The following ITPR2 variants were observed in gnomAD, a reference collection of about 807,000 sequenced individuals.
ITPR2 encodes the protein inositol 1,4,5-trisphosphate-gated calcium channel ITPR2.
In ITPR2, 207 loss-of-function variants were observed where a neutral mutation model predicts 317.1. That is an observed-to-expected ratio of 0.65 (90% CI 0.58 to 0.73). ITPR2 has a LOEUF of 0.73. ITPR2 is among the 30% of genes least tolerant of loss of function. ITPR2 has a pLI of 0.00. For synonymous variants in ITPR2, 1,156 were observed against 1,149.1 expected (o/e 1.01, Z -0.12); for missense variants, 2,613 against 3,284.0 (o/e 0.80, Z 4.99).
At chr12:26,658,154 G>T in intron 16 of ITPR2, 24 bp from the exon 17 acceptor site, 3 of 1,497,056 alleles carry the variant, frequency 2.0e-6, no homozygotes, top group South Asian at 2.8e-5. Context: ...AAAATTAAAT[G>T]GAATATGAAG....
intron 45 of ITPR2, among the ~76,000 whole-genome samples, chr12:26,462,479 G>T (rs888618017): frequency 6.6e-6 from 1 of 152,026 alleles, no homozygotes; most frequent in Non-Finnish European, 1.5e-5. Flanking sequence ...CTCCCAAAGT[G>T]TTGGGATTAT....
chr12:26,649,812 GATA>G (rs1363795607), intron 21 of ITPR2, among the ~76,000 whole-genome samples: 2 of 151,496 alleles, frequency 1.3e-5, no homozygotes, highest in African/African-American at 2.4e-5. Flanking sequence ...TAGATAGATA[GATA>G]GATAGATAGA....
At chr12:26,484,280 A>C (rs995703604) in intron 41 of ITPR2, among the ~76,000 whole-genome samples, 1 of 151,922 alleles carries the variant, frequency 6.6e-6, no homozygotes, top group Non-Finnish European at 1.5e-5. Context: ...AGAGAAAAAA[A>C]AACTAGGTAG....
chr12:26,498,272 A>G (rs760253905), intron 37 of ITPR2, among the ~76,000 whole-genome samples: 4 of 152,200 alleles, frequency 2.6e-5, no homozygotes, highest in African/African-American at 4.8e-5. Context: ...CAACTCTACT[A>G]TTTACTATTC....
Position 26,475,417 on chromosome 12 carries a change from A to G in ITPR2, c.6221T>C (p.Val2074Ala), listed in dbSNP as rs759404001. 7 of 1,591,238 alleles carry G rather than the reference A, an allele frequency of 4.4e-6. No homozygotes were observed. Among genetic ancestry groups the G allele is most frequent in the Non-Finnish European group, 6.0e-6 (7 of 1,171,998 alleles). Residue 2074 changes from valine to alanine, a missense_variant and splice_region_variant, in exon 45 of 57, where the codon GTG (valine) becomes GCG (alanine). Val to Ala is a moderately conservative substitution (Grantham distance 64). Coordinates refer to ENST00000381340, the MANE Select transcript of ITPR2 (RefSeq NM_002223.4). ...GTTATAGGCATTCTTCATCACATCC[A>G]CCTATCCAAAAAAAAAAAGAATATT... ...ILFNMRPREL[V>A]DVMKNAYNQG...
At chr12:26,664,820 C>T (rs2136922875) in intron 14 of ITPR2, among the ~76,000 whole-genome samples, 1 of 152,010 alleles carries the variant, frequency 6.6e-6, no homozygotes, top group African/African-American at 2.4e-5. Flanking sequence ...GAAAAAAGTC[C>T]TATTAGATTT....
chr12:26,471,297 T>C (rs1015988036), intron 45 of ITPR2, among the ~76,000 whole-genome samples: 1 of 152,202 alleles, frequency 6.6e-6, no homozygotes, highest in African/African-American at 2.4e-5. Flanking sequence ...TAATATATAT[T>C]GGACATACAC....
At position 26,766,074 on chromosome 12, in the gene ITPR2, G is replaced by A. The variant is rs150848063; in HGVS notation, c.163+24083C>T. Among the ~76,000 whole-genome samples, 23 of 152,166 alleles carry A rather than the reference G, an allele frequency of 1.5e-4. No individual in the cohort carries two copies. The East Asian group carries it at 4.4e-3, about 29-fold the overall frequency. On this transcript the variant is annotated intron_variant, in intron 2 of 56. Coordinates refer to ENST00000381340, the MANE Select transcript of ITPR2 (RefSeq NM_002223.4). Reference sequence around the variant, plus strand: ...TAAGCATTTGGGTTGTTTCCACTTCGAGCTATTATGAACAATGCTGCTATG... The same window carrying A: ...TAAGCATTTGGGTTGTTTCCACTTCAAGCTATTATGAACAATGCTGCTATG...
At chr12:26,372,297 A>C (rs550125283) in intron 55 of ITPR2, among the ~76,000 whole-genome samples, 1 of 152,256 alleles carries the variant, frequency 6.6e-6, no homozygotes, top group Non-Finnish European at 1.5e-5. Flanking sequence ...CATGGTAGGC[A>C]CTAAGCAAAA....
At chr12:26,606,534 T>C (rs564514052) in intron 26 of ITPR2, among the ~76,000 whole-genome samples, 3 of 125,516 alleles carry the variant, frequency 2.4e-5, no homozygotes, top group African/African-American at 6.0e-5. Flanking sequence ...GTTCTAAAGA[T>C]AGTTCCTCCC....
At position 26,486,160 on chromosome 12, in the gene ITPR2, G is replaced by A. The variant is rs1437966807; in HGVS notation, c.5755C>T (p.Gln1919Ter). The change falls in exon 41 of 57, where the codon CAG becomes TAG. Residue 1919 changes from glutamine (Q) to a stop codon, truncating the protein, a stop_gained. Coordinates refer to ENST00000381340, the MANE Select transcript of ITPR2 (RefSeq NM_002223.4). LOFTEE classifies it high-confidence loss of function. ...AACTGAAGAAATCTCAGTATTGGCTGCATGATGGCAATTGCGGGACTCATT... is the reference window on the plus strand; with the variant it reads ...AACTGAAGAAATCTCAGTATTGGCTACATGATGGCAATTGCGGGACTCATT... ...VTMSPAIAIM[Q>*]PILRFLQLLC... 4 of 1,614,074 alleles carry A rather than the reference G, an allele frequency of 2.5e-6. No homozygotes were observed. The Admixed American group carries it at 5.0e-5, about 20-fold the overall frequency.
intron 34 of ITPR2, among the ~76,000 whole-genome samples, chr12:26,567,575 A>C (rs1246211536): frequency 2.6e-5 from 4 of 152,158 alleles, no homozygotes; most frequent in Non-Finnish European, 5.9e-5. Context: ...AATAATAGAA[A>C]ATTAACTATG....
chr12:26,439,147 T>A lies in ITPR2; in HGVS notation c.6623A>T (p.Lys2208Met). ...CTTACTCCTGATTTTCTTCTGCCAC[T>A]TCATTTCATTGTAGAGATCTTCTGT... ...QQTEDLYNEMKWQKKIRNNPA... is the reference protein window; with the variant it reads ...QQTEDLYNEMMWQKKIRNNPA... Residue 2208 changes from lysine (K) to methionine (M), a missense_variant, in exon 47 of 57, where the codon AAG becomes ATG. Transcript: ENST00000381340. The A allele has an allele frequency of 6.2e-7, 1 of 1,607,710 alleles. No individual in the cohort carries two copies. The highest frequency in any genetic ancestry group is 8.5e-7 in the Non-Finnish European group (1 of 1,177,050).
chr12:26,513,748 T>TCACACACA (rs3056894), intron 37 of ITPR2, among the ~76,000 whole-genome samples: 41 of 149,314 alleles, frequency 2.7e-4, no homozygotes, highest in African/African-American at 9.7e-4. Context: ...TTGCCAATTA[T>TCACACACA]CACACACACA....
At chr12:26,593,771 A>G in intron 32 of ITPR2, among the ~76,000 whole-genome samples, 1 of 151,882 alleles carries the variant, frequency 6.6e-6, no homozygotes, top group East Asian at 1.9e-4. Flanking sequence ...AAAAGAATGT[A>G]AATCTGTACA....
chr12:26,419,070 A>T lies in ITPR2; in HGVS notation c.7089T>A (p.His2363Gln). The T allele has an allele frequency of 6.2e-7, 1 of 1,613,650 alleles. No homozygotes were observed. The highest frequency in any genetic ancestry group is 8.5e-7 in the Non-Finnish European group (1 of 1,179,724). ...VLVCMLGLFV[H>Q]EFFYSFLLFD... ...TCACCAGGAAGCTATAGAAGAATTC[A>T]TGGACAAAAAGGCCCAGCATGCAAA... The change falls in exon 50 of 57, where the codon CAT becomes CAA. Residue 2363 changes from histidine (H) to glutamine (Q), a missense_variant. Physicochemically the swap from His to Gln is conservative, Grantham distance 24. Coordinates refer to ENST00000381340, the MANE Select transcript of ITPR2 (RefSeq NM_002223.4).
chr12:26,680,505 G>C (rs1405074526), intron 13 of ITPR2, among the ~76,000 whole-genome samples: 4 of 152,012 alleles, frequency 2.6e-5, no homozygotes, highest in Non-Finnish European at 5.9e-5. Context: ...CTGATCCCTA[G>C]TGTTAAATCC....
intron 2 of ITPR2, among the ~76,000 whole-genome samples, chr12:26,735,425 T>C (rs1949104468): frequency 6.9e-6 from 1 of 144,698 alleles, no homozygotes; most frequent in Non-Finnish European, 1.5e-5. Context: ...GGAAACAAAA[T>C]GGGAAGGAAA....
chr12:26,574,212 T>A (rs1945224852), intron 34 of ITPR2, among the ~76,000 whole-genome samples: 3 of 149,692 alleles, frequency 2.0e-5, no homozygotes, highest in African/African-American at 4.9e-5. Flanking sequence ...TTTGGGAACC[T>A]GTTAAAAAAA....
Sources: gnomAD v4.1 joint callset for allele counts (sites outside exome capture counted in the v4.1 genomes callset) on GRCh38, gnomAD v4.1.1 for gene constraint, MANE v1.5 for transcripts, NCBI Gene and HGNC (gene_info 2026-07-23, HGNC 2026-07-21) for gene names.